TPST2: variants seen among roughly 807,000 people sequenced by gnomAD.
TPST2 encodes tyrosylprotein sulfotransferase 2.
A neutral mutation model predicts 27.8 loss-of-function variants in TPST2; 16 were observed. The observed-to-expected ratio is 0.58, with a 90% CI of 0.39 to 0.88. TPST2 has a LOEUF of 0.88. TPST2 is among the 40% of genes least tolerant of loss of function. TPST2 has a pLI of 0.00. For synonymous variants in TPST2, 229 were observed against 231.7 expected, an observed-to-expected ratio of 0.99 and a Z score of 0.10; for missense variants, 464 against 543.1, an observed-to-expected ratio of 0.85 and a Z score of 1.45.
chr22:26,549,738 G>A (rs1926355915), intron 1 of TPST2, among the ~76,000 whole-genome samples: 1 of 150,844 alleles, frequency 6.6e-6, no homozygotes, highest in African/African-American at 2.4e-5. Flanking sequence ...GGAAACAGCG[G>A]GGTTTCATTT....
intron 4 of TPST2, 97 bp from the exon 5 acceptor site, chr22:26,532,842 GCCAC>G: frequency 9.3e-7 from 1 of 1,071,752 alleles, no homozygotes; most frequent in Non-Finnish European, 1.4e-6. Context: ...CATCCACCTC[GCCAC>G]CCACCCATCC....
intron 3 of TPST2, among the ~76,000 whole-genome samples, 158 bp downstream of exon 3, chr22:26,540,631 A>G (rs765073535): frequency 2.0e-5 from 3 of 152,200 alleles, no homozygotes; most frequent in Non-Finnish European, 2.9e-5. Context: ...GAGAGGAGTA[A>G]TTGTTGTCAT....
chr22:26,569,678 G>A (rs1047848002), intron 1 of TPST2, among the ~76,000 whole-genome samples: 13 of 150,844 alleles, frequency 8.6e-5, no homozygotes, highest in Admixed American at 4.0e-4. Context: ...GGCCTGGCAC[G>A]GTGGCTCATG....
In TPST2 at chr22:26,524,552, A is replaced by G. The variant is rs905751052; in HGVS notation, c.*1723T>C. On this transcript the variant is annotated 3_prime_UTR_variant, in exon 7 of 7. Coordinates refer to ENST00000338754, the MANE Select transcript of TPST2 (RefSeq NM_003595.5). The stretch of plus-strand genomic sequence containing the variant: ...CACACCATGAAGTTTTAACTTCCCC[A>G]TTTTACAGATGAAGAGACAAAGTCT... 1 of 152,116 alleles carries G rather than the reference A, an allele frequency of 6.6e-6. No individual in the cohort carries two copies. Among genetic ancestry groups the G allele is most frequent in the Non-Finnish European group, 1.5e-5 (1 of 68,056 alleles). The allele number at this position is 152,116 out of a possible 1,614,324, so 9.4% of individuals were successfully genotyped here. A position where few individuals can be genotyped will look rare whatever the true frequency, so the allele number is the denominator to read the frequency against.
At chr22:26,583,207 G>A (rs996084237) in intron 1 of TPST2, among the ~76,000 whole-genome samples, 3 of 151,858 alleles carry the variant, frequency 2.0e-5, no homozygotes, top group Admixed American at 2.0e-4. Flanking sequence ...GGCTGACACG[G>A]GCAGATCACT....
chr22:26,565,589 A>C (rs1429488030), intron 1 of TPST2: 1 of 152,226 alleles, frequency 6.6e-6, no homozygotes, highest in African/African-American at 2.4e-5. Flanking sequence ...TTTTGGCCAG[A>C]GGATGTCAGC....
intron 1 of TPST2, among the ~76,000 whole-genome samples, chr22:26,581,040 A>G (rs1928087336): frequency 1.4e-5 from 1 of 69,310 alleles, no homozygotes. Context: ...ACACACACAC[A>G]CACACACACA....
At chr22:26,533,736 G>A (rs983391135) in intron 4 of TPST2, among the ~76,000 whole-genome samples, 2 of 151,690 alleles carry the variant, frequency 1.3e-5, no homozygotes, top group African/African-American at 2.4e-5. Context: ...GTGCAGTGGT[G>A]CGATCACGGC....
At chr22:26,557,374 T>C (rs533903624) in intron 1 of TPST2, among the ~76,000 whole-genome samples, 2 of 152,274 alleles carry the variant, frequency 1.3e-5, no homozygotes, top group African/African-American at 2.4e-5. Context: ...ATCTGTAAAA[T>C]GGGCCCAATA....
rs904700732 is a variant in TPST2 at position 26,541,728 on chromosome 22, G to A, written c.-88-10C>T. ...CCCGCCAGGCTCACATCTGGGGAGA[G>A]AGGGGGACATGCATAGTCAGGGAGG... On this transcript the variant is annotated splice_polypyrimidine_tract_variant and intron_variant, in intron 2 of 6. Transcript: ENST00000338754. This position sits in a 1 kb window ranked among gnomAD's most constrained non-coding sequence, Gnocchi z 5.9. 4 of 1,454,752 alleles carry A rather than the reference G, an allele frequency of 2.7e-6. No homozygotes were observed. The East Asian group carries it at 7.5e-5, about 27-fold the overall frequency. The allele number at this position is 1,454,752 out of a possible 1,614,324, so 90.1% of individuals were successfully genotyped here.
At chr22:26,571,436 T>C (rs952928426) in intron 1 of TPST2, among the ~76,000 whole-genome samples, 26 of 152,140 alleles carry the variant, frequency 1.7e-4, no homozygotes, top group African/African-American at 6.0e-4. Flanking sequence ...TGATTTTTTT[T>C]TTCCCCCAGC....
At chr22:26,569,991 A>AAG (rs1555934528) in intron 1 of TPST2, among the ~76,000 whole-genome samples, 5,504 of 19,774 alleles carry the variant, frequency 0.28, 416 homozygotes, top group South Asian at 0.4. Flanking sequence ...AAAAGAAAGA[A>AAG]AAAGAAAGAA....
chr22:26,528,187 A>G (rs560968181), intron 6 of TPST2, 27 bp downstream of exon 6: 108 of 1,555,434 alleles, frequency 6.9e-5, no homozygotes, highest in Middle Eastern at 6.7e-4. Flanking sequence ...AAGCAGCGGG[A>G]ACCCCCAGTG....
chr22:26,585,677 T>A (rs1414022568), intron 1 of TPST2, among the ~76,000 whole-genome samples: 1 of 152,136 alleles, frequency 6.6e-6, no homozygotes, highest in East Asian at 1.9e-4. Flanking sequence ...AGAAAGTACA[T>A]TCTGGTCACC....
At position 26,553,119 on chromosome 22, in the gene TPST2, C is replaced by T. The variant is rs545008262; in HGVS notation, c.-160-8444G>A. On this transcript the variant is annotated intron_variant, in intron 1 of 6. Transcript: ENST00000338754. ...TCAGCAGCACCTGCCCTCAGTGCAA[C>T]CTGGGCAAACTCACAAAGCACAAAT... 3.4e-5 allele frequency among the ~76,000 whole-genome samples: 5 copies of T among 149,224 alleles called. No individual in the cohort carries two copies. In the South Asian group the frequency reaches 1.1e-3, roughly 32 times the overall value.
chr22:26,546,424 G>A (rs367932175), intron 1 of TPST2, among the ~76,000 whole-genome samples: 6 of 152,248 alleles, frequency 3.9e-5, no homozygotes, highest in Non-Finnish European at 8.8e-5. Context: ...CCAGGCACTT[G>A]AAGCTCTTCC....
chr22:26,528,225 G>T lies in TPST2; in HGVS notation c.1130C>A (p.Ser377Ter). The stretch of plus-strand genomic sequence containing the variant: ...GTCCACAGGCTTACCTGGAAATCAC[G>T]AGCTTCCTAAGTGGGAGGAGGTGCT... ...QNSTSSHLGS[S>*] Residue 377 changes from serine (S) to a stop codon, truncating the protein, a stop_gained, in exon 6 of 7, where the codon TCG becomes TAG. Coordinates refer to ENST00000338754, the MANE Select transcript of TPST2 (RefSeq NM_003595.5). LOFTEE classifies it high-confidence loss of function. 6.4e-7 allele frequency: 1 copy of T among 1,563,938 alleles called. No individual in the cohort carries two copies. The highest frequency in any genetic ancestry group is 2.4e-5 in the East Asian group (1 of 42,450).
At position 26,584,060 on chromosome 22, in the gene TPST2, A is replaced by G. The variant is rs1235174830; in HGVS notation, c.-161+5993T>C. On this transcript the variant is annotated intron_variant, in intron 1 of 6. Coordinates refer to ENST00000338754, the MANE Select transcript of TPST2 (RefSeq NM_003595.5). ...GTTTCCAAGAGAAATGAGAAATCAG[A>G]ATTTTTCTCTAGAAATGTTTGAATG... 2.0e-5 allele frequency among the ~76,000 whole-genome samples: 3 copies of G among 152,244 alleles called. No homozygotes were observed. The East Asian group carries it at 5.8e-4, about 29-fold the overall frequency.
chr22:26,585,606 G>T (rs1211337478), intron 1 of TPST2, among the ~76,000 whole-genome samples: 2 of 152,190 alleles, frequency 1.3e-5, no homozygotes, highest in Non-Finnish European at 1.5e-5. Context: ...CTGCTACCCA[G>T]AGAAGCTTCC....
Sources: allele counts gnomAD v4.1 joint callset (sites outside exome capture counted in the v4.1 genomes callset), GRCh38; gene constraint gnomAD v4.1.1; non-coding constraint Gnocchi (gnomAD v3.1); transcripts MANE v1.5; gene names NCBI Gene and HGNC (gene_info 2026-07-23, HGNC 2026-07-21).